Variants in ADAM22 observed in about 807,000 individuals in gnomAD.
The protein encoded by ADAM22 is disintegrin and metalloproteinase domain-containing protein 22.
ADAM22 carries 65 observed loss-of-function variants against 144.6 expected under a neutral mutation model. The observed-to-expected ratio is 0.45, with a 90% confidence interval of 0.37 to 0.55. The LOEUF is 0.55. Among genes scored for constraint, ADAM22 ranks in the 20% least tolerant of loss-of-function variants. The pLI is 0.00. For synonymous variants in ADAM22, 391 were observed against 412.6 expected, an observed-to-expected ratio of 0.95 and a Z score of 0.63; for missense variants, 974 against 1,184.9, an observed-to-expected ratio of 0.82 and a Z score of 2.61.
rs17150266 is a variant in ADAM22, at chr7:88,146,396, A to G, written c.1485+889A>G. Among the ~76,000 whole-genome samples the G allele has an allele frequency of 1.1e-3, 163 of 152,366 alleles. 1 individual carries two copies. The East Asian group carries it at 0.013, about 12-fold the overall frequency. ...AGTAAGTATCTACTGTGTGCCAGAG[A>G]TTATGCTAAGGACTTTTGTATCATC... On this transcript the variant is annotated intron_variant, in intron 17 of 31. Coordinates refer to ENST00000413139, the MANE Select transcript of ADAM22 (RefSeq NM_001324418.2).
intron 3 of ADAM22, among the ~76,000 whole-genome samples, chr7:87,990,907 A>G (rs1463154905): frequency 6.6e-6 from 1 of 152,134 alleles, no homozygotes; most frequent in Admixed American, 6.5e-5. Context: ...CAAGTGATCC[A>G]TTTGCCTTGG....
At chr7:88,174,392 C>T (rs1257060843) in intron 26 of ADAM22, among the ~76,000 whole-genome samples, 6 of 149,754 alleles carry the variant, frequency 4.0e-5, no homozygotes, top group Non-Finnish European at 8.9e-5. Context: ...TTATAATGGG[C>T]AGAATTGTGG....
chr7:88,186,103 T>C (rs933853013), intron 29 of ADAM22: 1 of 167,994 alleles, frequency 6.0e-6, no homozygotes, highest in Admixed American at 6.3e-5. Flanking sequence ...TGAGACCCTC[T>C]ATAGAGAGTA....
intron 25 of ADAM22, chr7:88,168,446 CTGAG>C (rs1378438497): frequency 3.5e-6 from 2 of 575,986 alleles, no homozygotes; most frequent in African/African-American, 3.7e-5. Flanking sequence ...TGTAAAAGAA[CTGAG>C]TATTATTTAA....
chr7:88,182,127 G>A (rs796434619), intron 29 of ADAM22, 103 bp downstream of exon 29: 32 of 1,058,268 alleles, frequency 3.0e-5, no homozygotes, highest in African/African-American at 2.9e-4. Context: ...CCATGTCTCC[G>A]GTCTTGGTTT....
At chr7:88,069,363 A>G (rs1441841680) in intron 3 of ADAM22, among the ~76,000 whole-genome samples, 1 of 152,148 alleles carries the variant, frequency 6.6e-6, no homozygotes, top group Non-Finnish European at 1.5e-5. Flanking sequence ...ACTGTGAGCC[A>G]ACATATTTCT....
At chr7:88,188,128 G>A (rs968106867) in intron 30 of ADAM22, among the ~76,000 whole-genome samples, 1 of 152,024 alleles carries the variant, frequency 6.6e-6, no homozygotes, top group Non-Finnish European at 1.5e-5. Flanking sequence ...CCTCAGGCTT[G>A]TGGGCAGATT....
intron 3 of ADAM22, among the ~76,000 whole-genome samples, chr7:88,014,824 C>T (rs907951376): frequency 6.6e-6 from 1 of 152,142 alleles, no homozygotes; most frequent in African/African-American, 2.4e-5. Flanking sequence ...TAGTGATTCC[C>T]AAATGCTGAT....
chr7:88,195,476 G>A (rs1399157451), intron 31 of ADAM22, among the ~76,000 whole-genome samples: 8 of 152,086 alleles, frequency 5.3e-5, no homozygotes, highest in Admixed American at 2.6e-4. Flanking sequence ...CTTCCACTGT[G>A]ATACCTCAGC....
intron 2 of ADAM22, among the ~76,000 whole-genome samples, chr7:87,954,257 G>C (rs1411640565): frequency 6.6e-6 from 1 of 151,734 alleles, no homozygotes; most frequent in African/African-American, 2.4e-5. Context: ...TTACATTTTG[G>C]CATGATTTTG....
intron 3 of ADAM22, among the ~76,000 whole-genome samples, chr7:87,984,772 C>T (rs1854539939): frequency 6.6e-6 from 1 of 152,038 alleles, no homozygotes; most frequent in Non-Finnish European, 1.5e-5. Flanking sequence ...CCTCAACCCC[C>T]TGGGCTCAAG....
In ADAM22 at chr7:88,171,525, T is replaced by A; in HGVS notation, c.2283-19T>A. On this transcript the variant is annotated intron_variant, in intron 25 of 31. Coordinates refer to ENST00000413139, the MANE Select transcript of ADAM22 (RefSeq NM_001324418.2). ...TAACTCTTATGTTTTTCCCTCTTTC[T>A]CTTCTTGTCCATGAAAAGAAACTAT... 2.5e-6 allele frequency: 4 copies of A among 1,586,196 alleles called. No individual in the cohort carries two copies. Among genetic ancestry groups the A allele is most frequent in the Non-Finnish European group, 3.4e-6 (4 of 1,168,986 alleles).
At chr7:88,114,995 G>A (rs746158498) in intron 6 of ADAM22, among the ~76,000 whole-genome samples, 2 of 152,148 alleles carry the variant, frequency 1.3e-5, no homozygotes, top group Non-Finnish European at 2.9e-5. Context: ...GCTCATGCCT[G>A]TAATCCCAGC....
At chr7:87,992,685 A>G (rs1437606675) in intron 3 of ADAM22, among the ~76,000 whole-genome samples, 1 of 152,074 alleles carries the variant, frequency 6.6e-6, no homozygotes, top group Non-Finnish European at 1.5e-5. Context: ...GCACATTTTG[A>G]TAATGCTTTG....
chr7:88,188,093 CAGTCCTATT>C (rs1428923074), intron 30 of ADAM22, among the ~76,000 whole-genome samples: 1 of 152,030 alleles, frequency 6.6e-6, no homozygotes, highest in East Asian at 1.9e-4. Context: ...GGCTCACCTG[CAGTCCTATT>C]TCTCCTTTCT....
intron 4 of ADAM22, among the ~76,000 whole-genome samples, chr7:88,078,018 A>G (rs1008589025): frequency 6.6e-6 from 1 of 152,218 alleles, no homozygotes; most frequent in African/African-American, 2.4e-5. Flanking sequence ...CACGCAGCTT[A>G]AGATCTGAGA....
chr7:88,106,752 T>C (rs1824502822), intron 4 of ADAM22, among the ~76,000 whole-genome samples: 1 of 152,168 alleles, frequency 6.6e-6, no homozygotes, highest in Admixed American at 6.6e-5. Context: ...ACAGATTCTC[T>C]ACAGTAGGTT....
At chr7:88,118,016 G>C (rs189154684) in intron 7 of ADAM22, among the ~76,000 whole-genome samples, 2 of 152,024 alleles carry the variant, frequency 1.3e-5, no homozygotes, top group African/African-American at 4.8e-5. Context: ...TTTTAATCTC[G>C]TTTTAATCTT....
At chr7:88,064,242 CAAATG>C (rs770749456) in intron 3 of ADAM22, among the ~76,000 whole-genome samples, 32 of 152,202 alleles carry the variant, frequency 2.1e-4, no homozygotes, top group Admixed American at 7.2e-4. Context: ...GAAAACTAGA[CAAATG>C]AAAAGAGAAG....
Sources: allele counts gnomAD v4.1 joint callset (sites outside exome capture counted in the v4.1 genomes callset), GRCh38; gene constraint gnomAD v4.1.1; transcripts MANE v1.5; gene names NCBI Gene and HGNC (gene_info 2026-07-23, HGNC 2026-07-21).